The following LINGO2 variants were observed in gnomAD, a reference collection of about 807,000 sequenced individuals.
LINGO2 encodes leucine rich repeat and Ig domain containing 2, also known as leucine-rich repeat and immunoglobulin-like domain-containing nogo receptor-interacting protein 2.
In LINGO2, 14 loss-of-function variants were observed where a neutral mutation model predicts 30.6. The observed-to-expected ratio is 0.46, with a 90% CI of 0.30 to 0.72. The LOEUF (loss-of-function observed/expected upper bound fraction) is 0.72. LINGO2 is among the 30% of genes least tolerant of loss of function. The pLI is 0.07. For synonymous variants in LINGO2, 317 were observed against 288.5 expected (o/e 1.10, Z -1.00); for missense variants, 729 against 751.7 (o/e 0.97, Z 0.35).
the LINGO2 span, among the ~76,000 whole-genome samples, chr9:28,968,453 C>A: frequency 6.6e-6 from 1 of 152,148 alleles, no homozygotes; most frequent in Admixed American, 6.6e-5. Context: ...AAGTAAAAAT[C>A]TCATTGTAAT....
the LINGO2 span, among the ~76,000 whole-genome samples, chr9:28,790,634 T>G: frequency 6.6e-6 from 1 of 152,006 alleles, no homozygotes; most frequent in African/African-American, 2.4e-5. Context: ...ACGCCTGGCC[T>G]ACTTTACGCA....
the LINGO2 span, among the ~76,000 whole-genome samples, chr9:28,944,754 A>C: frequency 3.1e-4 from 47 of 152,272 alleles, no homozygotes; most frequent in African/African-American, 1.1e-3. Context: ...ATGAAGCTTA[A>C]TCACTAATAA....
At chr9:28,840,875 C>T in the LINGO2 span, among the ~76,000 whole-genome samples, 1 of 151,788 alleles carries the variant, frequency 6.6e-6, no homozygotes, top group African/African-American at 2.4e-5. Context: ...CATTCTTCCT[C>T]TCATTTATTA....
chr9:28,414,955 C>T (rs1822909948), intron 2 of LINGO2, among the ~76,000 whole-genome samples: 1 of 151,892 alleles, frequency 6.6e-6, no homozygotes, highest in African/African-American at 2.4e-5. Context: ...TTTAAATAAA[C>T]ATATAGTATA....
chr9:28,169,549 T>C (rs56068987), intron 4 of LINGO2, among the ~76,000 whole-genome samples: 3,113 of 152,338 alleles, frequency 0.02, 46 homozygotes, highest in African/African-American at 0.037. Context: ...CAAATAGTTA[T>C]CAAGTGCCTA....
the LINGO2 span, among the ~76,000 whole-genome samples, chr9:29,015,736 T>G: frequency 9.7e-3 from 1,483 of 152,248 alleles, 28 homozygotes; most frequent in African/African-American, 0.031. Context: ...ACCAAATTTC[T>G]GGCTTCAGAA....
chr9:28,011,405 G>A (rs1460541874), intron 5 of LINGO2, among the ~76,000 whole-genome samples: 3 of 152,186 alleles, frequency 2.0e-5, no homozygotes, highest in Admixed American at 2.0e-4. Context: ...AGAGAGTACA[G>A]GGGTGCAGGG....
At chr9:27,956,254 T>C (rs951772618) in intron 5 of LINGO2, among the ~76,000 whole-genome samples, 1 of 152,184 alleles carries the variant, frequency 6.6e-6, no homozygotes, top group Admixed American at 6.5e-5. Flanking sequence ...CTGTCTTTTA[T>C]ATGTTATCCA....
chr9:28,344,551 G>T (rs1300354125), intron 3 of LINGO2, among the ~76,000 whole-genome samples: 1 of 152,062 alleles, frequency 6.6e-6, no homozygotes, highest in Non-Finnish European at 1.5e-5. Flanking sequence ...GAAATATGGA[G>T]ACTGTGTATT....
the LINGO2 span, among the ~76,000 whole-genome samples, chr9:28,852,899 T>G: frequency 1.3e-5 from 2 of 152,024 alleles, no homozygotes; most frequent in African/African-American, 4.8e-5. Context: ...AATCATAATG[T>G]TCCTCATTTA....
intron 3 of LINGO2, among the ~76,000 whole-genome samples, chr9:28,365,523 G>C (rs1820630820): frequency 1.3e-5 from 2 of 152,092 alleles, no homozygotes; most frequent in South Asian, 2.1e-4. Flanking sequence ...TCCTAACCTG[G>C]AATGAGGCTC....
At chr9:29,040,428 C>T in the LINGO2 span, among the ~76,000 whole-genome samples, 1 of 151,796 alleles carries the variant, frequency 6.6e-6, no homozygotes, top group Admixed American at 6.6e-5. Flanking sequence ...AAACTGAGTA[C>T]AATCCAGAAA....
rs539116826 is a variant in LINGO2, at chr9:28,508,968, CA to C, written c.-364-32944del. On this transcript the variant is annotated intron_variant, in intron 1 of 5. Transcript: ENST00000379992. The stretch of plus-strand genomic sequence containing the variant: ...TGCAGTATGCATGCCATACTACATG[CA>C]TACTACATACCACATGCTACATACT... Among the ~76,000 whole-genome samples, 641 of 152,196 alleles carry C rather than the reference CA, an allele frequency of 4.2e-3. 7 individuals carry two copies. Among genetic ancestry groups the C allele is most frequent in the African/African-American group, 0.015 (609 of 41,540 alleles).
At chr9:29,121,462 T>C in the LINGO2 span, among the ~76,000 whole-genome samples, 1 of 152,106 alleles carries the variant, frequency 6.6e-6, no homozygotes, top group Non-Finnish European at 1.5e-5. Flanking sequence ...AACATTCACA[T>C]AGGGAAAAAA....
At chr9:29,059,390 T>A in the LINGO2 span, among the ~76,000 whole-genome samples, 2 of 149,348 alleles carry the variant, frequency 1.3e-5, no homozygotes, top group African/African-American at 4.9e-5. Flanking sequence ...ATATACCTAC[T>A]ATGTACCCAC....
At position 28,314,878 on chromosome 9, in the gene LINGO2, G is replaced by A. The variant is rs569082434; in HGVS notation, c.-245-19512C>T. 9.2e-5 allele frequency among the ~76,000 whole-genome samples: 14 copies of A among 151,664 alleles called. No homozygotes were observed. In the East Asian group the frequency reaches 2.8e-3, roughly 30 times the overall value. On this transcript the variant is annotated intron_variant, in intron 3 of 5. Transcript: ENST00000379992. ...CGGGCACCTGTAGTCCCAGCTACTC[G>A]GGAGGCTGAGGCAGGAGAATGGCGT...
At chr9:29,052,172 T>C in the LINGO2 span, among the ~76,000 whole-genome samples, 1 of 152,166 alleles carries the variant, frequency 6.6e-6, no homozygotes, top group South Asian at 2.1e-4. Context: ...AAATTAATCT[T>C]CATCCAATGA....
the LINGO2 span, among the ~76,000 whole-genome samples, chr9:29,182,774 T>A: frequency 2.6e-5 from 4 of 151,962 alleles, no homozygotes; most frequent in Non-Finnish European, 5.9e-5. Flanking sequence ...TAACATGGCA[T>A]CAGAAGACAA....
At chr9:28,875,748 T>C in the LINGO2 span, among the ~76,000 whole-genome samples, 1 of 152,162 alleles carries the variant, frequency 6.6e-6, no homozygotes, top group African/African-American at 2.4e-5. Flanking sequence ...GTTAAATATT[T>C]TGGCAAAATA....
Sources: gnomAD v4.1 joint callset for allele counts (sites outside exome capture counted in the v4.1 genomes callset) on GRCh38, gnomAD v4.1.1 for gene constraint, MANE v1.5 for transcripts, NCBI Gene and HGNC (gene_info 2026-07-23, HGNC 2026-07-21) for gene names.